CEP170: variants seen among roughly 807,000 people sequenced by gnomAD.
CEP170 encodes the protein centrosomal protein of 170 kDa.
In CEP170, 21 loss-of-function variants were observed where a neutral mutation model predicts 151.9. That is an observed-to-expected ratio of 0.14 (90% confidence interval 0.10 to 0.20). The LOEUF is 0.20. Among genes scored for constraint, CEP170 ranks in the 10% least tolerant of loss-of-function variants. The pLI, the probability that CEP170 is intolerant of heterozygous loss-of-function variation, is 1.00. For synonymous variants in CEP170, 356 were observed against 648.8 expected, an observed-to-expected ratio of 0.55 and a Z score of 6.86; for missense variants, 964 against 1,892.9, an observed-to-expected ratio of 0.51 and a Z score of 9.11.
chr1:243,197,684 T>A (rs1346890011), intron 7 of CEP170, among the ~76,000 whole-genome samples: 1 of 152,100 alleles, frequency 6.6e-6, no homozygotes, highest in Non-Finnish European at 1.5e-5. Context: ...AGAGCAAGAC[T>A]GAGAGACGGA....
intron 17 of CEP170, among the ~76,000 whole-genome samples, chr1:243,131,773 C>A (rs953595674): frequency 1.3e-5 from 2 of 152,016 alleles, no homozygotes; most frequent in African/African-American, 2.4e-5. Context: ...ATTATAGATT[C>A]AAAATAAGCT....
In CEP170 at chr1:243,129,216, A is replaced by G. The variant is rs531223795; in HGVS notation, c.4413+144T>C. 344 of 509,034 alleles carry G rather than the reference A, an allele frequency of 6.8e-4. 2 individuals are homozygous for G. Among genetic ancestry groups the G allele is most frequent in the African/African-American group, 6.3e-3 (324 of 51,168 alleles). 31.5% of individuals were successfully genotyped at this position (509,034 alleles called of 1,614,324 possible). On this transcript the variant is annotated intron_variant, in intron 18 of 19. Coordinates refer to ENST00000366542, the MANE Select transcript of CEP170 (RefSeq NM_014812.3). ...AATCAACATTTTAAACCTGTGAGTCAGTAGAAGAAATAAAATTTCCCAAAA... is the reference window on the plus strand; with the variant it reads ...AATCAACATTTTAAACCTGTGAGTCGGTAGAAGAAATAAAATTTCCCAAAA...
chr1:243,188,442 A>G (rs945212426), intron 8 of CEP170, among the ~76,000 whole-genome samples: 1 of 152,118 alleles, frequency 6.6e-6, no homozygotes, highest in African/African-American at 2.4e-5. Flanking sequence ...GTATTTTGTC[A>G]GGGTTATACA....
intron 1 of CEP170, among the ~76,000 whole-genome samples, chr1:243,227,780 C>T (rs375702131): frequency 2.0e-4 from 30 of 152,228 alleles, no homozygotes; most frequent in African/African-American, 5.5e-4. Flanking sequence ...GATGTCATTA[C>T]GAAAAAGGTT....
chr1:243,198,699 G>A (rs1255947627), intron 7 of CEP170, among the ~76,000 whole-genome samples: 4 of 151,708 alleles, frequency 2.6e-5, no homozygotes, highest in Non-Finnish European at 5.9e-5. Context: ...TAATAAAAAC[G>A]CAAAATTAAT....
At position 243,164,295 on chromosome 1, in the gene CEP170, C is replaced by A; in HGVS notation, c.3665G>T (p.Gly1222Val). ...SKVKSMTSAH[G>V]SASVNSRWRR... ...TGGATCCAATTTACCTGAAGCAGAG[C>A]CATGAGCTGAGGTCATACTTTTGAC... Residue 1222 changes from glycine (G) to valine (V), a missense_variant, in exon 13 of 20, where the codon GGC becomes GTC. Gly to Val is a moderately radical substitution (Grantham distance 109, BLOSUM62 -3). Transcript: ENST00000366542. The A allele has an allele frequency of 6.6e-7, 1 of 1,504,754 alleles. No homozygotes were observed. 93.2% of individuals were successfully genotyped at this position (1,504,754 alleles called of 1,614,324 possible).
At chr1:243,206,400 T>C (rs1019639025) in intron 4 of CEP170, among the ~76,000 whole-genome samples, 8 of 152,238 alleles carry the variant, frequency 5.3e-5, no homozygotes, top group Non-Finnish European at 1.2e-4. Flanking sequence ...CCCAAAGTGC[T>C]GGGATTATAG....
intron 8 of CEP170, among the ~76,000 whole-genome samples, chr1:243,190,219 A>G (rs2060222652): frequency 6.6e-6 from 1 of 152,216 alleles, no homozygotes. Context: ...GTGTAATCAC[A>G]ATTTGTTCAA....
rs1381653410 is a variant in CEP170, at chr1:243,255,233, G to C, written c.-235C>G. 1 of 152,786 alleles carries C rather than the reference G, an allele frequency of 6.5e-6. No homozygotes were observed. Among genetic ancestry groups the C allele is most frequent in the East Asian group, 1.9e-4 (1 of 5,196 alleles). The allele number at this position is 152,786 out of a possible 1,614,324, so 9.5% of individuals were successfully genotyped here. A position where few individuals can be genotyped will look rare whatever the true frequency, so the allele number is the denominator to read the frequency against. Reference sequence around the variant, plus strand: ...TTATTCCACACACGCCCCACACATAGCGGTAACGGCAAAGACCGACTGCCT... The same window carrying C: ...TTATTCCACACACGCCCCACACATACCGGTAACGGCAAAGACCGACTGCCT... On this transcript the variant is annotated 5_prime_UTR_variant, in exon 1 of 20. Transcript: ENST00000366542.
At chr1:243,183,585 C>T (rs564076325) in intron 10 of CEP170, among the ~76,000 whole-genome samples, 2 of 152,106 alleles carry the variant, frequency 1.3e-5, no homozygotes, top group Non-Finnish European at 2.9e-5. Context: ...TTAATTAGCC[C>T]GAATTTGGCT....
At position 243,186,466 on chromosome 1, in the gene CEP170, C is replaced by A. The variant is rs143718779; in HGVS notation, c.1109-44G>T. 87 of 1,539,966 alleles carry A rather than the reference C, an allele frequency of 5.6e-5. No individual in the cohort carries two copies. In the African/African-American group the frequency reaches 1.2e-3, roughly 21 times the overall value. On this transcript the variant is annotated intron_variant, in intron 8 of 19. Coordinates refer to ENST00000366542, the MANE Select transcript of CEP170 (RefSeq NM_014812.3). ...CACACAATAGAGAAGGAAAAAGTCC[C>A]ATGTAGAAATTTAGAAGCATATACA... is the stretch of plus-strand genomic sequence containing the variant.
At chr1:243,251,698 T>C (rs1242137308) in intron 1 of CEP170, among the ~76,000 whole-genome samples, 2 of 152,206 alleles carry the variant, frequency 1.3e-5, no homozygotes, top group Non-Finnish European at 2.9e-5. Flanking sequence ...TTCTCTGCTA[T>C]GTGTCATTTG....
Position 243,186,061 on chromosome 1 carries a change from C to A in CEP170, c.1284G>T (p.Ala428=). The A allele has an allele frequency of 6.2e-7, 1 of 1,613,724 alleles. No homozygotes were observed. The highest frequency in any genetic ancestry group is 8.5e-7 in the Non-Finnish European group (1 of 1,179,664). ...KHQDQAVTSS[A]HHRGGHGVPH... is the part of the protein sequence containing the mutation. The stretch of plus-strand genomic sequence containing the variant: ...GAACACCATGCCCCCCTCTGTGATG[C>A]GCAGAGCTAGTCTGTAAAGACAAAG... The change falls in exon 10 of 20, where the codon GCG becomes GCT. Residue 428 remains alanine, a synonymous_variant. Coordinates refer to ENST00000366542, the MANE Select transcript of CEP170 (RefSeq NM_014812.3).
At chr1:243,241,805 A>G (rs1481742096) in intron 1 of CEP170, among the ~76,000 whole-genome samples, 1 of 151,772 alleles carries the variant, frequency 6.6e-6, no homozygotes, top group Non-Finnish European at 1.5e-5. Context: ...AAAAAAAAAA[A>G]AAGTATACAT....
chr1:243,194,309 CAGT>C (rs2060499905), intron 7 of CEP170, among the ~76,000 whole-genome samples: 1 of 151,740 alleles, frequency 6.6e-6, no homozygotes, highest in Admixed American at 6.6e-5. Context: ...AAGGCAGTAT[CAGT>C]ATTATTATAT....
intron 8 of CEP170, among the ~76,000 whole-genome samples, chr1:243,189,429 G>A (rs1275336922): frequency 1.1e-4 from 16 of 151,646 alleles, no homozygotes; most frequent in African/African-American, 2.7e-4. Context: ...GGTGGTGGGC[G>A]CCTGTAGTTC....
At chr1:243,175,805 G>GT (rs74162255) in intron 10 of CEP170, among the ~76,000 whole-genome samples, 8 of 151,494 alleles carry the variant, frequency 5.3e-5, no homozygotes, top group Non-Finnish European at 1.0e-4. Flanking sequence ...TTTCTTTTTT[G>GT]TTTTTTTTTG....
intron 12 of CEP170, chr1:243,168,397 C>CT (rs2058594220): frequency 1.3e-5 from 2 of 151,836 alleles, no homozygotes; most frequent in South Asian, 4.1e-4. Context: ...GGTCTTTTTG[C>CT]TTTTTAACTG....
At chr1:243,245,270 GGTT>G (rs2065261460) in intron 1 of CEP170, among the ~76,000 whole-genome samples, 1 of 149,130 alleles carries the variant, frequency 6.7e-6, no homozygotes, top group Non-Finnish European at 1.5e-5. Context: ...TTTTTTTTTT[GGTT>G]GTTGTTCATC....
Sources: allele counts gnomAD v4.1 joint callset (sites outside exome capture counted in the v4.1 genomes callset), GRCh38; gene constraint gnomAD v4.1.1; transcripts MANE v1.5; gene names NCBI Gene and HGNC (gene_info 2026-07-23, HGNC 2026-07-21).